Variants in UFD1 observed in about 807,000 individuals in gnomAD.
UFD1 encodes the protein ubiquitin recognition factor in ER-associated degradation protein 1.
Under a neutral mutation model 45.9 loss-of-function variants are expected in UFD1, and 13 were observed. The observed-to-expected ratio is 0.28, with a 90% confidence interval of 0.18 to 0.45. The LOEUF (loss-of-function observed/expected upper bound fraction) is 0.45, where lower values mean the gene tolerates loss of function less well. Ranked by LOEUF, UFD1 falls within the 20% of genes least tolerant of loss-of-function variation. The pLI is 1.00. For missense variants in UFD1, 218 were observed against 389.2 expected (o/e 0.56, Z 3.70); for synonymous variants, 128 against 139.2 (o/e 0.92, Z 0.56).
intron 9 of UFD1, 113 bp downstream of exon 9, chr22:19,456,474 A>G (rs939087077): frequency 1.4e-6 from 2 of 1,414,480 alleles, no homozygotes; most frequent in Admixed American, 3.4e-5. Context: ...AGGTACCCAG[A>G]GGCCTAACCC....
chr22:19,468,016 A>G lies in UFD1; in HGVS notation c.292-13T>C. The G allele has an allele frequency of 6.2e-7, 1 of 1,613,928 alleles. No individual in the cohort carries two copies. Among genetic ancestry groups the G allele is most frequent in the African/African-American group, 1.3e-5 (1 of 75,044 alleles). ...AGTTCTGCATCATCTGAAAGGAAGA[A>G]GAGGCTACATGAGACTCCTAGAGAT... On this transcript the variant is annotated splice_polypyrimidine_tract_variant and intron_variant, in intron 4 of 11. Coordinates refer to ENST00000263202, the MANE Select transcript of UFD1 (RefSeq NM_005659.7).
In UFD1 at chr22:19,450,340, T is replaced by C. The variant is rs2089671073; in HGVS notation, c.*330A>G. 4 of 260,600 alleles carry C rather than the reference T, an allele frequency of 1.5e-5. No homozygotes were observed. The highest frequency in any genetic ancestry group is 2.2e-5 in the Non-Finnish European group (3 of 134,316). 16.1% of individuals were successfully genotyped at this position (260,600 alleles called of 1,614,324 possible). On this transcript the variant is annotated 3_prime_UTR_variant, in exon 12 of 12. Transcript: ENST00000263202. The stretch of plus-strand genomic sequence containing the variant: ...CTTCATGTTAGACAATTTAGTCACC[T>C]TCATAGGTTTTGACAGAATTAGGGA...
At position 19,450,305 on chromosome 22, in the gene UFD1, AGAAAGAAC is replaced by A. The variant is rs1569324382; in HGVS notation, c.*357_*364del. On this transcript the variant is annotated 3_prime_UTR_variant, in exon 12 of 12. Transcript: ENST00000263202. ...GAAAAGAAAGGATAAATGAAGAAAAAGAAAGAACACTTCATGTTAGACAATTTAGTCAC... is the reference window on the plus strand; with the variant it reads ...GAAAAGAAAGGATAAATGAAGAAAAAACTTCATGTTAGACAATTTAGTCAC... 1.1e-5 allele frequency: 2 copies of A among 184,356 alleles called. No individual in the cohort carries two copies. Among genetic ancestry groups the A allele is most frequent in the Non-Finnish European group, 2.3e-5 (2 of 87,536 alleles). 11.4% of individuals were successfully genotyped at this position (184,356 alleles called of 1,614,324 possible).
chr22:19,457,960 C>A (rs1400555012), intron 7 of UFD1, 111 bp downstream of exon 7: 1 of 1,087,420 alleles, frequency 9.2e-7, no homozygotes. Flanking sequence ...TCCTCTTTAC[C>A]CAGAGTCCCA....
At chr22:19,459,449 C>G (rs2089748482) in intron 6 of UFD1, among the ~76,000 whole-genome samples, 1 of 152,096 alleles carries the variant, frequency 6.6e-6, no homozygotes, top group Admixed American at 6.5e-5. Context: ...CCCGTCTCTA[C>G]TAAAAAATAC....
At chr22:19,468,975 G>A (rs552985801) in intron 4 of UFD1, among the ~76,000 whole-genome samples, 4 of 152,318 alleles carry the variant, frequency 2.6e-5, no homozygotes, top group South Asian at 2.1e-4. Flanking sequence ...TGCTGAGGCC[G>A]AGGCTGTGCC....
At chr22:19,453,758 A>G in intron 11 of UFD1, 1 of 985,542 alleles carries the variant, frequency 1.0e-6, no homozygotes, top group South Asian at 4.7e-5. Context: ...CTCTGTCCCC[A>G]ACCACCCCAA....
chr22:19,478,185 A>T lies in UFD1; in HGVS notation c.3+898T>A, dbSNP rs368189619. Among the ~76,000 whole-genome samples the T allele has an allele frequency of 1.3e-4, 20 of 151,878 alleles. No homozygotes were observed. In the East Asian group the frequency reaches 1.9e-3, roughly 15 times the overall value. ...TTTGCTGCTCCCGATCCCATCTCTC[A>T]CTTTCCTTTTCAATCCCGAGACCTA... On this transcript the variant is annotated intron_variant, in intron 1 of 11. Transcript: ENST00000263202.
intron 2 of UFD1, 81 bp from the exon 3 acceptor site, chr22:19,475,181 C>A (rs745722299): frequency 1.3e-5 from 19 of 1,417,694 alleles, no homozygotes; most frequent in Non-Finnish European, 1.8e-5. Flanking sequence ...TTCTTTATAT[C>A]TAACAAAAAG....
chr22:19,456,937 A>T lies in UFD1; in HGVS notation c.565-19T>A. On this transcript the variant is annotated intron_variant, in intron 7 of 11. Transcript: ENST00000263202. ...AGTCCACCTGTGTTTCCAGGATTTTAAAAGTAAAATATTGAGACATGACCA... is the reference window on the plus strand; with the variant it reads ...AGTCCACCTGTGTTTCCAGGATTTTTAAAGTAAAATATTGAGACATGACCA... 1 of 1,539,726 alleles carries T rather than the reference A, an allele frequency of 6.5e-7. No individual in the cohort carries two copies. The highest frequency in any genetic ancestry group is 8.9e-7 in the Non-Finnish European group (1 of 1,129,666).
chr22:19,461,223 G>T (rs1357530760), intron 6 of UFD1, among the ~76,000 whole-genome samples: 3 of 152,202 alleles, frequency 2.0e-5, no homozygotes, highest in African/African-American at 7.2e-5. Context: ...ATATTACATT[G>T]TATGTGTGTA....
chr22:19,452,422 A>C (rs2089690036), intron 11 of UFD1: 1 of 152,238 alleles, frequency 6.6e-6, no homozygotes, highest in South Asian at 2.1e-4. Context: ...GACACAATCC[A>C]GCTCATAAGA....
At chr22:19,477,860 T>C (rs1400696000) in intron 1 of UFD1, among the ~76,000 whole-genome samples, 1 of 152,210 alleles carries the variant, frequency 6.6e-6, no homozygotes, top group Admixed American at 6.5e-5. Flanking sequence ...GCCTAAAATC[T>C]GGGATGGTTC....
chr22:19,472,240 T>C (rs570990992), intron 3 of UFD1, among the ~76,000 whole-genome samples: 1 of 152,248 alleles, frequency 6.6e-6, no homozygotes, highest in East Asian at 1.9e-4. Context: ...CCGAGTTCTT[T>C]AGGCTGGGCA....
intron 11 of UFD1, chr22:19,452,416 CAA>C (rs913320859): frequency 9.9e-5 from 15 of 152,232 alleles, no homozygotes; most frequent in African/African-American, 3.6e-4. Flanking sequence ...TGGAGGGACA[CAA>C]TCCAGCTCAT....
chr22:19,470,511 G>A (rs2089836685), intron 4 of UFD1, among the ~76,000 whole-genome samples: 1 of 151,430 alleles, frequency 6.6e-6, no homozygotes, highest in Non-Finnish European at 1.5e-5. Flanking sequence ...GCATGATCTC[G>A]GCTCACTGCA....
intron 1 of UFD1, among the ~76,000 whole-genome samples, chr22:19,476,246 A>C (rs1314527857): frequency 6.6e-6 from 1 of 152,118 alleles, no homozygotes; most frequent in Non-Finnish European, 1.5e-5. Flanking sequence ...CCAGGCAAAA[A>C]AGAGGGAAAG....
chr22:19,477,255 C>T (rs2089889376), intron 1 of UFD1, among the ~76,000 whole-genome samples: 1 of 152,068 alleles, frequency 6.6e-6, no homozygotes, highest in Non-Finnish European at 1.5e-5. Context: ...ATTCATAGCA[C>T]AATTATTCAT....
chr22:19,462,172 G>C (rs1444674843), intron 6 of UFD1, among the ~76,000 whole-genome samples: 1 of 151,548 alleles, frequency 6.6e-6, no homozygotes, highest in Non-Finnish European at 1.5e-5. Flanking sequence ...GCTAATTTTT[G>C]TATTTTTTGT....
Sources: gnomAD v4.1 joint callset for allele counts (sites outside exome capture counted in the v4.1 genomes callset) on GRCh38, gnomAD v4.1.1 for gene constraint, MANE v1.5 for transcripts, NCBI Gene and HGNC (gene_info 2026-07-23, HGNC 2026-07-21) for gene names.